PTGER4: variants seen among roughly 807,000 people sequenced by gnomAD.
PTGER4 encodes prostaglandin E receptor 4, also known as prostaglandin E2 receptor EP4 subtype.
Under a neutral mutation model 33.2 loss-of-function variants are expected in PTGER4, and 11 were observed. The ratio of observed to expected loss-of-function variants is 0.33; its 90% CI spans 0.21 to 0.55. The LOEUF is 0.55. PTGER4 is among the 20% of genes least tolerant of loss of function. The probability of loss-of-function intolerance (pLI) is 0.92; values close to 1 mark genes in which losing one functional copy is unlikely to be tolerated. For synonymous variants in PTGER4, 275 were observed against 281.5 expected (o/e 0.98, Z 0.23); for missense variants, 481 against 650.2 (o/e 0.74, Z 2.83).
Position 40,680,878 on chromosome 5 carries a change from G to T in PTGER4, c.-43-73G>T, listed in dbSNP as rs1050152059. 7.7e-7 allele frequency: 1 copy of T among 1,304,370 alleles called. No homozygotes were observed. The highest frequency in any genetic ancestry group is 2.3e-5 in the East Asian group (1 of 42,870). The allele number at this position is 1,304,370 out of a possible 1,614,324, so 80.8% of individuals were successfully genotyped here. On this transcript the variant is annotated intron_variant, in intron 1 of 2. Transcript: ENST00000302472. The surrounding 1 kb of genome is among the most constrained non-coding windows in gnomAD (Gnocchi z 5.5). ...TTGTCTTATCAGTGTATCGTTTCTCGGGCGCGGGTCTAACACCTTACAAGT... is the reference window on the plus strand; with the variant it reads ...TTGTCTTATCAGTGTATCGTTTCTCTGGCGCGGGTCTAACACCTTACAAGT...
intron 2 of PTGER4, among the ~76,000 whole-genome samples, chr5:40,690,335 G>A (rs1741437402): frequency 6.6e-6 from 1 of 152,148 alleles, no homozygotes; most frequent in Non-Finnish European, 1.5e-5. Context: ...GTGAGACCCT[G>A]TCTCAAAAAT....
chr5:40,732,564 C>G, the PTGER4 span, among the ~76,000 whole-genome samples: 4 of 151,868 alleles, frequency 2.6e-5, no homozygotes, highest in African/African-American at 9.7e-5. Flanking sequence ...ATATGCTCTA[C>G]AGTACCCAGA....
At chr5:40,728,642 C>T in the PTGER4 span, among the ~76,000 whole-genome samples, 1 of 152,256 alleles carries the variant, frequency 6.6e-6, no homozygotes, top group East Asian at 1.9e-4. Context: ...TTATAGTTCT[C>T]TTTTCACCCC....
At position 40,680,033 on chromosome 5, in the gene PTGER4, G is replaced by A. The variant is rs1409972198; in HGVS notation, c.-489G>A. Reference sequence around the variant, plus strand: ...CCGAGCCGCCCCCAGGTAGCCAGGAGCGGCCTCAGCGGCAGCCGCAAACTC... The same window carrying A: ...CCGAGCCGCCCCCAGGTAGCCAGGAACGGCCTCAGCGGCAGCCGCAAACTC... On this transcript the variant is annotated 5_prime_UTR_variant, in exon 1 of 3. Coordinates refer to ENST00000302472, the MANE Select transcript of PTGER4 (RefSeq NM_000958.3). This position sits in a 1 kb window ranked among gnomAD's most constrained non-coding sequence, Gnocchi z 5.5. The A allele has an allele frequency of 6.6e-6, 1 of 152,580 alleles. No individual in the cohort carries two copies. The highest frequency in any genetic ancestry group is 1.5e-5 in the Non-Finnish European group (1 of 68,324). 9.5% of individuals were successfully genotyped at this position (152,580 alleles called of 1,614,324 possible). A position where few individuals can be genotyped will look rare whatever the true frequency, so the allele number is the denominator to read the frequency against.
Position 40,681,362 on chromosome 5 carries a change from T to G in PTGER4, c.369T>G (p.His123Gln). 1.9e-6 allele frequency: 3 copies of G among 1,614,164 alleles called. No homozygotes were observed. Among genetic ancestry groups the G allele is most frequent in the Non-Finnish European group, 2.5e-6 (3 of 1,180,036 alleles). The change falls in exon 2 of 3, where the codon CAT becomes CAG. Residue 123 changes from histidine (H) to glutamine (Q), a missense_variant. Physicochemically the swap from His to Gln is conservative, Grantham distance 24 (BLOSUM62 0). This residue lies in a region of PTGER4 where 61 missense variants were observed against 145.2 expected (regional missense o/e 0.42). Transcript: ENST00000302472. The surrounding 1 kb of genome is among the most constrained non-coding windows in gnomAD (Gnocchi z 9.8). ...MSVERYLAIN[H>Q]AYFYSHYVDK... ...TCGAGCGCTACCTGGCCATCAACCA[T>G]GCCTATTTCTACAGCCACTACGTGG...
chr5:40,722,402 G>A, the PTGER4 span, among the ~76,000 whole-genome samples: 427 of 150,460 alleles, frequency 2.8e-3, 4 homozygotes, highest in African/African-American at 0.01. Flanking sequence ...CTGCCCGGCC[G>A]CCCAGTCTGG....
the PTGER4 span, among the ~76,000 whole-genome samples, chr5:40,709,246 C>T: frequency 2.9e-3 from 448 of 152,202 alleles, 3 homozygotes; most frequent in African/African-American, 0.01. Context: ...TCAAATTGTC[C>T]CTGTTTGCAG....
rs564822601 is a variant in PTGER4, at chr5:40,692,529, A to G, written c.*151A>G. On this transcript the variant is annotated 3_prime_UTR_variant, in exon 3 of 3. Coordinates refer to ENST00000302472, the MANE Select transcript of PTGER4 (RefSeq NM_000958.3). ...CATCCTGGCTTTTGAGCACTTTTCAAACAATCAAGTTGACTCACGTGGGTC... is the reference window on the plus strand; with the variant it reads ...CATCCTGGCTTTTGAGCACTTTTCAGACAATCAAGTTGACTCACGTGGGTC... The G allele has an allele frequency of 2.9e-5, 42 of 1,445,864 alleles. No homozygotes were observed. In the African/African-American group the frequency reaches 4.7e-4, roughly 16 times the overall value. The allele number at this position is 1,445,864 out of a possible 1,614,324, so 89.6% of individuals were successfully genotyped here.
At chr5:40,733,623 T>C in the PTGER4 span, among the ~76,000 whole-genome samples, 1 of 152,208 alleles carries the variant, frequency 6.6e-6, no homozygotes, top group Non-Finnish European at 1.5e-5. Flanking sequence ...GTCATCACTG[T>C]GACTTGGAGG....
At chr5:40,684,125 C>T in intron 2 of PTGER4, among the ~76,000 whole-genome samples, 1 of 17,026 alleles carries the variant, frequency 5.9e-5, no homozygotes, top group Non-Finnish European at 1.2e-4. Flanking sequence ...CACCCACCCA[C>T]CCCCCCCCCC....
At chr5:40,690,397 T>G in intron 2 of PTGER4, among the ~76,000 whole-genome samples, 1 of 152,242 alleles carries the variant, frequency 6.6e-6, no homozygotes, top group East Asian at 1.9e-4. Flanking sequence ...ATTAAAATGA[T>G]CATGTAAGTT....
Position 40,693,657 on chromosome 5 carries a change from C to G in PTGER4, c.*1279C>G. 9.2e-6 allele frequency: 9 copies of G among 982,172 alleles called. No individual in the cohort carries two copies. The highest frequency in any genetic ancestry group is 1.1e-5 in the Non-Finnish European group (9 of 826,550). 60.8% of individuals were successfully genotyped at this position (982,172 alleles called of 1,614,324 possible). A position where few individuals can be genotyped will look rare whatever the true frequency, so the allele number is the denominator to read the frequency against. ...TGCTTGGTTGTAATTAAATTCTGAGCCTGATATTGATATGGTTTTAAGAAG... is the reference window on the plus strand; with the variant it reads ...TGCTTGGTTGTAATTAAATTCTGAGGCTGATATTGATATGGTTTTAAGAAG... On this transcript the variant is annotated 3_prime_UTR_variant, in exon 3 of 3. Transcript: ENST00000302472.
rs374187379 is a variant in PTGER4 at position 40,693,240 on chromosome 5, T to C, written c.*862T>C. 1.0e-6 allele frequency: 1 copy of C among 983,660 alleles called. No individual in the cohort carries two copies. Among genetic ancestry groups the C allele is most frequent in the African/African-American group, 1.7e-5 (1 of 57,172 alleles). The allele number at this position is 983,660 out of a possible 1,614,324, so 60.9% of individuals were successfully genotyped here. A position where few individuals can be genotyped will look rare whatever the true frequency, so the allele number is the denominator to read the frequency against. ...TATTTTCAACTTTTTCCCTCACTAATTGGTACTTTTAAAAACATAACATAA... is the reference window on the plus strand; with the variant it reads ...TATTTTCAACTTTTTCCCTCACTAACTGGTACTTTTAAAAACATAACATAA... On this transcript the variant is annotated 3_prime_UTR_variant, in exon 3 of 3. Transcript: ENST00000302472.
At chr5:40,699,785 C>A in the PTGER4 span, among the ~76,000 whole-genome samples, 1 of 152,104 alleles carries the variant, frequency 6.6e-6, no homozygotes, top group African/African-American at 2.4e-5. Context: ...AAATTCAACA[C>A]CCATTCATAA....
At chr5:40,743,494 T>G in the PTGER4 span, among the ~76,000 whole-genome samples, 1 of 152,152 alleles carries the variant, frequency 6.6e-6, no homozygotes, top group East Asian at 1.9e-4. Flanking sequence ...ATTTTTTTGC[T>G]GGGCATGGTG....
the PTGER4 span, among the ~76,000 whole-genome samples, chr5:40,712,742 G>A: frequency 6.6e-6 from 1 of 152,152 alleles, no homozygotes; most frequent in African/African-American, 2.4e-5. Context: ...TCCTTTCCTG[G>A]TGAAGTGAGA....
chr5:40,724,389 C>T, the PTGER4 span, among the ~76,000 whole-genome samples: 1 of 152,004 alleles, frequency 6.6e-6, no homozygotes, highest in South Asian at 2.1e-4. Context: ...AATCCCGGAA[C>T]ATTGGGAGGC....
chr5:40,697,243 A>AAAG (rs1741627877), downstream of PTGER4, among the ~76,000 whole-genome samples: 2 of 49,660 alleles, frequency 4.0e-5, no homozygotes, highest in African/African-American at 1.1e-4. Context: ...AGAAAGAAAG[A>AAAG]AAGAAAGAAA....
the PTGER4 span, among the ~76,000 whole-genome samples, chr5:40,740,662 G>A: frequency 6.6e-6 from 1 of 152,128 alleles, no homozygotes; most frequent in African/African-American, 2.4e-5. Context: ...ACTATCCAAG[G>A]TATTGTCCAA....
Sources: allele counts gnomAD v4.1 joint callset (sites outside exome capture counted in the v4.1 genomes callset), GRCh38; gene constraint gnomAD v4.1.1; regional missense constraint gnomAD v4.1.1; non-coding constraint Gnocchi (gnomAD v3.1); transcripts MANE v1.5; gene names NCBI Gene and HGNC (gene_info 2026-07-23, HGNC 2026-07-21).